The following NUMB variants were observed in gnomAD, a reference collection of about 807,000 sequenced individuals.
NUMB encodes the protein NUMB endocytic adaptor protein.
NUMB carries 29 observed loss-of-function variants against 59.7 expected under a neutral mutation model. That is an observed-to-expected ratio of 0.49 (90% CI 0.36 to 0.66). The LOEUF is 0.66. Among genes scored for constraint, NUMB ranks in the 30% least tolerant of loss-of-function variants. The pLI, the probability that NUMB is intolerant of heterozygous loss-of-function variation, is 0.00. For synonymous variants in NUMB, 288 were observed against 288.2 expected (o/e 1.00, Z 0.01); for missense variants, 723 against 822.0 (o/e 0.88, Z 1.47).
intron 4 of NUMB, among the ~76,000 whole-genome samples, chr14:73,353,072 G>GTTGTTTTTTTTTTTTTT (rs1893522798): frequency 1.7e-5 from 1 of 58,514 alleles, no homozygotes. Flanking sequence ...AGTTTTTCTT[G>GTTGTTTTTTTTTTTTTT]TTTTTTTTTT....
intron 7 of NUMB, among the ~76,000 whole-genome samples, chr14:73,294,527 CTTTT>C (rs1414010359): frequency 6.6e-5 from 10 of 151,790 alleles, no homozygotes; most frequent in Non-Finnish European, 1.5e-4. Context: ...TTTTTACTTT[CTTTT>C]TTTGAGATAG....
At chr14:73,386,451 C>A (rs1331782702) in intron 2 of NUMB, among the ~76,000 whole-genome samples, 1 of 152,104 alleles carries the variant, frequency 6.6e-6, no homozygotes, top group African/African-American at 2.4e-5. Flanking sequence ...TGCTACAATT[C>A]CAGATTTTTT....
chr14:73,283,075 G>A (rs149453781), intron 10 of NUMB, among the ~76,000 whole-genome samples: 3 of 152,350 alleles, frequency 2.0e-5, no homozygotes, highest in East Asian at 1.9e-4. Context: ...GAGCAGAGGT[G>A]TAGGACGCTA....
chr14:73,339,770 G>A (rs749721793), intron 4 of NUMB, among the ~76,000 whole-genome samples: 7 of 150,218 alleles, frequency 4.7e-5, no homozygotes, highest in African/African-American at 7.6e-5. Flanking sequence ...AACCCCTATC[G>A]TTTTTTGTTT....
intron 10 of NUMB, among the ~76,000 whole-genome samples, chr14:73,283,390 A>G (rs911743675): frequency 6.6e-6 from 1 of 151,658 alleles, no homozygotes; most frequent in Non-Finnish European, 1.5e-5. Flanking sequence ...TTGTTATAGC[A>G]ATGGCTTGAC....
At chr14:73,352,516 A>G (rs1566756373) in intron 4 of NUMB, among the ~76,000 whole-genome samples, 9 of 12,672 alleles carry the variant, frequency 7.1e-4, no homozygotes, top group African/African-American at 1.7e-3. Context: ...ATATATATAT[A>G]TATATATATA....
chr14:73,339,674 G>A (rs907016082), intron 4 of NUMB, among the ~76,000 whole-genome samples: 2 of 152,098 alleles, frequency 1.3e-5, no homozygotes, highest in Non-Finnish European at 2.9e-5. Context: ...TTACAAGCGT[G>A]AGCCACTGTG....
chr14:73,417,328 A>T (rs2140144503), intron 1 of NUMB, among the ~76,000 whole-genome samples: 1 of 151,882 alleles, frequency 6.6e-6, no homozygotes, highest in Admixed American at 6.6e-5. Flanking sequence ...ATTGTAACAC[A>T]CTCCTAGACG....
intron 2 of NUMB, among the ~76,000 whole-genome samples, chr14:73,380,706 G>A (rs1341938922): frequency 2.7e-5 from 4 of 150,686 alleles, no homozygotes; most frequent in Non-Finnish European, 5.9e-5. Flanking sequence ...ACCACTGATT[G>A]GGCACATTCA....
chr14:73,440,827 CAAA>C (rs397713746), intron 1 of NUMB, among the ~76,000 whole-genome samples: 8 of 47,822 alleles, frequency 1.7e-4, no homozygotes, highest in Non-Finnish European at 2.6e-4. Flanking sequence ...GACTCCGTCT[CAAA>C]AAAAAAAAAA....
At position 73,276,502 on chromosome 14, in the gene NUMB, A is replaced by G; in HGVS notation, c.*76T>C. 8.7e-7 allele frequency: 1 copy of G among 1,150,102 alleles called. No individual in the cohort carries two copies. The highest frequency in any genetic ancestry group is 1.3e-6 in the Non-Finnish European group (1 of 797,208). The allele number at this position is 1,150,102 out of a possible 1,614,324, so 71.2% of individuals were successfully genotyped here. The stretch of plus-strand genomic sequence containing the variant: ...GAAAAGAGTACTAATCAGGAGACAA[A>G]GTCTGTTTTGCTCCTTTGACCGCTA... On this transcript the variant is annotated 3_prime_UTR_variant, in exon 13 of 13. Coordinates refer to ENST00000555238, the MANE Select transcript of NUMB (RefSeq NM_001005743.2).
rs754694129 is a variant in NUMB at position 73,292,883 on chromosome 14, T to TAG, written c.310-10_310-9insCT. ...TGGTCAACTATGAGGTCCTAGAAAA[T>TAG]ACGACACACAAAGAAAGAGAAGACT... On this transcript the variant is annotated splice_polypyrimidine_tract_variant and intron_variant, in intron 7 of 12. Coordinates refer to ENST00000555238, the MANE Select transcript of NUMB (RefSeq NM_001005743.2). 1 of 1,613,588 alleles carries TAG rather than the reference T, an allele frequency of 6.2e-7. No homozygotes were observed. Among genetic ancestry groups the TAG allele is most frequent in the Non-Finnish European group, 8.5e-7 (1 of 1,179,838 alleles).
At chr14:73,361,047 C>A (rs1412378441) in intron 3 of NUMB, among the ~76,000 whole-genome samples, 2 of 152,060 alleles carry the variant, frequency 1.3e-5, no homozygotes, top group African/African-American at 4.8e-5. Context: ...TGTCACCACA[C>A]CCAGCTAATT....
chr14:73,422,309 GT>G (rs371452604), intron 1 of NUMB, among the ~76,000 whole-genome samples: 211 of 152,214 alleles, frequency 1.4e-3, no homozygotes, highest in African/African-American at 4.7e-3. Flanking sequence ...GCAACCAAAA[GT>G]GCATCCTCAA....
chr14:73,411,058 G>A (rs1595005815), intron 1 of NUMB, among the ~76,000 whole-genome samples: 2 of 152,320 alleles, frequency 1.3e-5, no homozygotes, highest in African/African-American at 4.8e-5. Flanking sequence ...TGGAGACTGG[G>A]TCTCGCTCTG....
At chr14:73,282,272 C>T (rs759232485) in intron 11 of NUMB, 87 bp downstream of exon 11, 247 of 1,386,662 alleles carry the variant, frequency 1.8e-4, no homozygotes, top group Non-Finnish European at 2.2e-4. Context: ...CCTTGGGAAG[C>T]TCAGGATGCC....
intron 2 of NUMB, among the ~76,000 whole-genome samples, chr14:73,400,453 T>A (rs1193442880): frequency 6.6e-6 from 1 of 152,218 alleles, no homozygotes; most frequent in East Asian, 1.9e-4. Flanking sequence ...AATGTGGGTT[T>A]ATCGATTATA....
At chr14:73,378,625 T>C (rs1282343407) in intron 2 of NUMB, among the ~76,000 whole-genome samples, 1 of 152,134 alleles carries the variant, frequency 6.6e-6, no homozygotes, top group East Asian at 1.9e-4. Flanking sequence ...CTTAAATGCA[T>C]ATTACTAAGT....
intron 2 of NUMB, among the ~76,000 whole-genome samples, chr14:73,398,394 G>C (rs7143344): frequency 0.083 from 9,562 of 114,714 alleles, 576 homozygotes; most frequent in African/African-American, 0.22. Context: ...GACACACACA[G>C]AGAGAGAGAG....
Sources: allele counts gnomAD v4.1 joint callset (sites outside exome capture counted in the v4.1 genomes callset), GRCh38; gene constraint gnomAD v4.1.1; transcripts MANE v1.5; gene names NCBI Gene and HGNC (gene_info 2026-07-23, HGNC 2026-07-21).